DSCAML1: variants seen among roughly 807,000 people sequenced by gnomAD.
The protein encoded by DSCAML1 is DS cell adhesion molecule like 1, also known as cell adhesion molecule DSCAML1.
A neutral mutation model predicts 200.5 loss-of-function variants in DSCAML1; 38 were observed. The observed-to-expected ratio is 0.19, with a 90% confidence interval of 0.15 to 0.25. DSCAML1 has a LOEUF of 0.25. DSCAML1 is among the 10% of genes least tolerant of loss of function. The pLI, the probability that DSCAML1 is intolerant of heterozygous loss-of-function variation, is 1.00. For synonymous variants in DSCAML1, 1,215 were observed against 1,165.0 expected (o/e 1.04, Z -0.87); for missense variants, 2,223 against 2,858.8 (o/e 0.78, Z 5.07).
chr11:117,608,519 TACTTC>T (rs1039918894), intron 3 of DSCAML1, among the ~76,000 whole-genome samples: 64 of 152,238 alleles, frequency 4.2e-4, no homozygotes, highest in African/African-American at 1.5e-3. Context: ...ATTTCCTGCT[TACTTC>T]ACTTAACATT....
At chr11:117,457,795 C>T (rs2048401425) in intron 19 of DSCAML1, among the ~76,000 whole-genome samples, 1 of 152,192 alleles carries the variant, frequency 6.6e-6, no homozygotes, top group Non-Finnish European at 1.5e-5. Context: ...CCAGTGCCTT[C>T]AGCCAAATTG....
At chr11:117,571,126 G>A (rs899152662) in intron 3 of DSCAML1, among the ~76,000 whole-genome samples, 9 of 152,208 alleles carry the variant, frequency 5.9e-5, no homozygotes, top group African/African-American at 2.4e-5. Flanking sequence ...GGACGATGTC[G>A]GGAGACCAGT....
chr11:117,634,160 C>T lies in DSCAML1; in HGVS notation c.512-101638G>A, dbSNP rs147341972. Among the ~76,000 whole-genome samples, 21 of 152,256 alleles carry T rather than the reference C, an allele frequency of 1.4e-4. 1 individual carries two copies. Among genetic ancestry groups the T allele is most frequent in the African/African-American group, 4.1e-4 (17 of 41,544 alleles). ...CCGGACTGTCACGGAGCATCAAGGA[C>T]AGGGAGAGGGATGATTCAGTTCCCT... is the stretch of plus-strand genomic sequence containing the variant. On this transcript the variant is annotated intron_variant, in intron 3 of 32. Coordinates refer to ENST00000651296, the MANE Select transcript of DSCAML1 (RefSeq NM_020693.4).
At chr11:117,725,454 T>C (rs1591443422) in intron 3 of DSCAML1, among the ~76,000 whole-genome samples, 1 of 152,328 alleles carries the variant, frequency 6.6e-6, no homozygotes, top group Admixed American at 6.5e-5. Flanking sequence ...AGACTCTGAT[T>C]GAGGCTCTGA....
chr11:117,508,609 C>G (rs2049555739), intron 8 of DSCAML1, among the ~76,000 whole-genome samples: 1 of 152,038 alleles, frequency 6.6e-6, no homozygotes, highest in South Asian at 2.1e-4. Flanking sequence ...CTTGGTCCCT[C>G]CTAGGGGCCA....
chr11:117,546,218 G>A (rs997610810), intron 3 of DSCAML1, among the ~76,000 whole-genome samples: 1 of 152,220 alleles, frequency 6.6e-6, no homozygotes, highest in Non-Finnish European at 1.5e-5. Flanking sequence ...GACACAGGAA[G>A]TTAACAGCAT....
At chr11:117,550,653 A>G (rs2050451837) in intron 3 of DSCAML1, among the ~76,000 whole-genome samples, 1 of 152,174 alleles carries the variant, frequency 6.6e-6, no homozygotes, top group Admixed American at 6.5e-5. Flanking sequence ...AGCTCCCTGG[A>G]CACGCACTGC....
At chr11:117,698,046 AG>A (rs1352345841) in intron 3 of DSCAML1, among the ~76,000 whole-genome samples, 1 of 152,210 alleles carries the variant, frequency 6.6e-6, no homozygotes, top group Non-Finnish European at 1.5e-5. Flanking sequence ...CTGGGATTTC[AG>A]GCGTGAGCCA....
intron 3 of DSCAML1, among the ~76,000 whole-genome samples, chr11:117,578,236 GAAAAAAAAAAA>G (rs59533726): frequency 2.0e-5 from 2 of 101,410 alleles, no homozygotes; most frequent in African/African-American, 8.8e-5. Context: ...ACTCTGTCTC[GAAAAAAAAAAA>G]AAAAAAAAAG....
chr11:117,596,622 G>A (rs2051366061), intron 3 of DSCAML1, among the ~76,000 whole-genome samples: 1 of 152,196 alleles, frequency 6.6e-6, no homozygotes, highest in Non-Finnish European at 1.5e-5. Context: ...TTCACAGAAA[G>A]CAATGGAAGC....
intron 3 of DSCAML1, among the ~76,000 whole-genome samples, chr11:117,719,572 T>C (rs2054011081): frequency 6.6e-6 from 1 of 152,242 alleles, no homozygotes; most frequent in Non-Finnish European, 1.5e-5. Context: ...TAAGAGTTTG[T>C]AGATGAGATT....
At chr11:117,559,471 A>C (rs183886490) in intron 3 of DSCAML1, among the ~76,000 whole-genome samples, 5 of 152,230 alleles carry the variant, frequency 3.3e-5, no homozygotes, top group Admixed American at 6.5e-5. Flanking sequence ...TGCCAAACCC[A>C]TGTATGACCT....
At chr11:117,698,465 C>G (rs1235624788) in intron 3 of DSCAML1, among the ~76,000 whole-genome samples, 1 of 152,168 alleles carries the variant, frequency 6.6e-6, no homozygotes, top group Admixed American at 6.5e-5. Flanking sequence ...TTAAACAAAA[C>G]TTTTTGGGAA....
intron 3 of DSCAML1, among the ~76,000 whole-genome samples, chr11:117,561,420 T>C (rs1198939044): frequency 6.6e-6 from 1 of 152,236 alleles, no homozygotes; most frequent in East Asian, 1.9e-4. Flanking sequence ...CTGCCACTCC[T>C]GCACTTAAAA....
In DSCAML1 at chr11:117,780,637, G is replaced by T; in HGVS notation, c.220C>A (p.Arg74=). ...GDDIYDVPHI[R]HVHANGTLQL... ...AGCGTCCCGTTGGCGTGGACGTGCC[G>T]GATGTGCGGCACGTCGTAGATGTCG... is the stretch of plus-strand genomic sequence containing the variant. Residue 74 remains arginine (R), a synonymous_variant, in exon 2 of 33, where the codon CGG becomes AGG. Coordinates refer to ENST00000651296, the MANE Select transcript of DSCAML1 (RefSeq NM_020693.4). The surrounding 1 kb of genome is among the most constrained non-coding windows in gnomAD (Gnocchi z 4.8). 6.3e-7 allele frequency: 1 copy of T among 1,589,542 alleles called. No individual in the cohort carries two copies. The highest frequency in any genetic ancestry group is 8.6e-7 in the Non-Finnish European group (1 of 1,166,836).
rs2049338879 is a variant in DSCAML1 at position 117,498,676 on chromosome 11, C to T, written c.2359+5169G>A. Reference sequence around the variant, plus strand: ...CCAGTGGCCAATCATGGTGGGTGACCTGGTCCACGGAGGCCCGAGGGCTTC... The same window carrying T: ...CCAGTGGCCAATCATGGTGGGTGACTTGGTCCACGGAGGCCCGAGGGCTTC... On this transcript the variant is annotated intron_variant, in intron 11 of 32. Coordinates refer to ENST00000651296, the MANE Select transcript of DSCAML1 (RefSeq NM_020693.4). This position sits in a 1 kb window ranked among gnomAD's most constrained non-coding sequence, Gnocchi z 4.0. Among the ~76,000 whole-genome samples, 1 of 152,132 alleles carries T rather than the reference C, an allele frequency of 6.6e-6. No individual in the cohort carries two copies. Among genetic ancestry groups the T allele is most frequent in the African/African-American group, 2.4e-5 (1 of 41,414 alleles).
intron 3 of DSCAML1, among the ~76,000 whole-genome samples, chr11:117,593,294 A>G (rs1331321060): frequency 6.6e-6 from 1 of 151,924 alleles, no homozygotes; most frequent in Non-Finnish European, 1.5e-5. Context: ...GCTCCCGCCC[A>G]CCCTGACCTC....
At chr11:117,752,635 G>A (rs935780210) in intron 3 of DSCAML1, among the ~76,000 whole-genome samples, 4 of 152,206 alleles carry the variant, frequency 2.6e-5, no homozygotes, top group South Asian at 4.1e-4. Flanking sequence ...GTGCCCCGGG[G>A]AAACAATGGG....
At chr11:117,769,724 C>T (rs2055004726) in intron 3 of DSCAML1, among the ~76,000 whole-genome samples, 3 of 150,448 alleles carry the variant, frequency 2.0e-5, no homozygotes, top group African/African-American at 7.4e-5. Context: ...GTCTTTGTGC[C>T]TCAGCTTGCC....
Sources: gnomAD v4.1 joint callset for allele counts (sites outside exome capture counted in the v4.1 genomes callset) on GRCh38, gnomAD v4.1.1 for gene constraint, Gnocchi (gnomAD v3.1) non-coding constraint, MANE v1.5 for transcripts, NCBI Gene and HGNC (gene_info 2026-07-23, HGNC 2026-07-21) for gene names.